Variants in ZNF708 observed in about 807,000 individuals in gnomAD.
ZNF708 encodes ZNF15, ZNF15L1.
ZNF708 carries 44 observed loss-of-function variants against 47.0 expected under a neutral mutation model. That is an observed-to-expected ratio of 0.94 (90% CI 0.74 to 1.20). ZNF708 has a LOEUF of 1.20. ZNF708 is among the 50% of genes most tolerant of loss of function. The pLI is 0.00. For synonymous variants in ZNF708, 184 were observed against 218.5 expected (o/e 0.84, Z 1.39); for missense variants, 557 against 656.0 (o/e 0.85, Z 1.65).
chr19:21,305,176 A>G (rs530785899), intron 3 of ZNF708, among the ~76,000 whole-genome samples: 1 of 151,406 alleles, frequency 6.6e-6, no homozygotes, highest in Non-Finnish European at 1.5e-5. Context: ...ACGCCCAGCT[A>G]ATTTTTGTAT....
At chr19:21,304,334 G>A (rs1972719018) in intron 3 of ZNF708, among the ~76,000 whole-genome samples, 1 of 151,592 alleles carries the variant, frequency 6.6e-6, no homozygotes, top group Non-Finnish European at 1.5e-5. Flanking sequence ...CAAAAGGATG[G>A]TGCCAAACCA....
intron 3 of ZNF708, among the ~76,000 whole-genome samples, chr19:21,297,262 ATATATATATTTTTTTTTTTT>A (rs1463642953): frequency 7.1e-5 from 1 of 14,142 alleles, no homozygotes; most frequent in African/African-American, 2.3e-4. Context: ...ATATATATAT[ATATATATATTTTTTTTTTTT>A]TTTTTTTTTT....
chr19:21,327,730 T>C (rs544382164), intron 1 of ZNF708, among the ~76,000 whole-genome samples: 21 of 152,192 alleles, frequency 1.4e-4, no homozygotes, highest in African/African-American at 5.1e-4. Context: ...TACTTTTTTT[T>C]TTCCACAAAA....
At chr19:21,294,821 A>C in intron 3 of ZNF708, 82 bp from the exon 4 acceptor site, 1 of 1,330,860 alleles carries the variant, frequency 7.5e-7, no homozygotes, top group Non-Finnish European at 1.0e-6. Flanking sequence ...CCAACTATAT[A>C]AACAAGATGA....
chr19:21,301,309 T>C (rs1194512772), intron 3 of ZNF708, among the ~76,000 whole-genome samples: 1 of 151,640 alleles, frequency 6.6e-6, no homozygotes, highest in African/African-American at 2.4e-5. Flanking sequence ...AATCCCGATC[T>C]CTACTAAAAA....
chr19:21,316,116 C>CT (rs1973000458), intron 1 of ZNF708, among the ~76,000 whole-genome samples: 1 of 128,794 alleles, frequency 7.8e-6, no homozygotes, highest in Non-Finnish European at 1.6e-5. Context: ...CTTTTCTTTT[C>CT]TTTTCTTTTC....
At chr19:21,324,207 G>A (rs1298699433) in intron 1 of ZNF708, among the ~76,000 whole-genome samples, 1 of 151,968 alleles carries the variant, frequency 6.6e-6, no homozygotes, top group African/African-American at 2.4e-5. Flanking sequence ...TCGCGCCACT[G>A]CACTCCAGCC....
chr19:21,317,204 C>T (rs547357931), intron 1 of ZNF708, among the ~76,000 whole-genome samples: 5 of 151,900 alleles, frequency 3.3e-5, no homozygotes, highest in Non-Finnish European at 7.4e-5. Context: ...CACTTGAACA[C>T]AGGAGACTGA....
chr19:21,310,688 G>T, intron 1 of ZNF708, 61 bp from the exon 2 acceptor site: 6 of 1,336,768 alleles, frequency 4.5e-6, no homozygotes, highest in South Asian at 2.0e-5. Flanking sequence ...TTTTTAATTT[G>T]ACTCAAGGTG....
At chr19:21,326,799 G>A (rs1305006219) in intron 1 of ZNF708, among the ~76,000 whole-genome samples, 1 of 152,062 alleles carries the variant, frequency 6.6e-6, no homozygotes, top group African/African-American at 2.4e-5. Flanking sequence ...GGGCATGGTG[G>A]CACGCCCACC....
chr19:21,328,052 C>G, intron 1 of ZNF708: 1 of 985,290 alleles, frequency 1.0e-6, no homozygotes, highest in Non-Finnish European at 1.2e-6. Flanking sequence ...TTGGTTTACT[C>G]CAGACAGTAC....
rs113710506 is a variant in ZNF708, at chr19:21,316,927, C to T, written c.4-6300G>A. Among the ~76,000 whole-genome samples, 991 of 152,074 alleles carry T rather than the reference C, an allele frequency of 6.5e-3. 19 individuals are homozygous for T. The highest frequency in any genetic ancestry group is 0.022 in the African/African-American group (913 of 41,530). On this transcript the variant is annotated intron_variant, in intron 1 of 3. Coordinates refer to ENST00000356929, the MANE Select transcript of ZNF708 (RefSeq NM_021269.3). ...TCAGCCTCCCCAGTAGCTGGCATTA[C>T]AGGCGTGTGCCACCACCCTCAGCTA...
intron 3 of ZNF708, chr19:21,307,005 T>TAA (rs1215348374): frequency 2.5e-5 from 3 of 119,898 alleles, no homozygotes; most frequent in African/African-American, 6.2e-5. Context: ...TAACATAACA[T>TAA]AACATAAAAC....
At chr19:21,328,012 A>G (rs751753574) in intron 1 of ZNF708, 103 of 994,244 alleles carry the variant, frequency 1.0e-4, no homozygotes, top group Non-Finnish European at 1.1e-4. Context: ...TTCACTAGAC[A>G]CTCTAGCAGA....
intron 3 of ZNF708, among the ~76,000 whole-genome samples, chr19:21,305,168 G>A (rs1174145947): frequency 2.0e-5 from 3 of 151,500 alleles, no homozygotes; most frequent in Non-Finnish European, 2.9e-5. Flanking sequence ...GTGCCACCAC[G>A]CCCAGCTAAT....
At chr19:21,306,901 G>A (rs929456332) in intron 3 of ZNF708, 1 of 151,236 alleles carries the variant, frequency 6.6e-6, no homozygotes, top group Admixed American at 6.6e-5. Flanking sequence ...CTGAGATCAG[G>A]CCACTGCACT....
chr19:21,311,399 G>A (rs950442165), intron 1 of ZNF708, among the ~76,000 whole-genome samples: 5 of 149,626 alleles, frequency 3.3e-5, no homozygotes, highest in Admixed American at 6.6e-5. Flanking sequence ...TTTTTTAACC[G>A]AAAGAATTAT....
At chr19:21,323,961 C>A (rs149737598) in intron 1 of ZNF708, among the ~76,000 whole-genome samples, 1 of 152,090 alleles carries the variant, frequency 6.6e-6, no homozygotes. Flanking sequence ...AGTGTTTAGC[C>A]GGGCGCAGTG....
At position 21,294,585 on chromosome 19, in the gene ZNF708, T is replaced by A. The variant is rs1972488353; in HGVS notation, c.381A>T (p.Gly127=). The A allele has an allele frequency of 6.2e-7, 1 of 1,614,152 alleles. No homozygotes were observed. Among genetic ancestry groups the A allele is most frequent in the Non-Finnish European group, 8.5e-7 (1 of 1,179,998 alleles). ...EHKLHKGGHK[G]LNRCVTTTQS... ...GGGTAGTTGTCACACACCGGTTAAG[T>A]CCCTTGTGACCTCCTTTGTGCAACT... The change falls in exon 4 of 4, where the codon GGA becomes GGT. Residue 127 remains glycine, a synonymous_variant. Coordinates refer to ENST00000356929, the MANE Select transcript of ZNF708 (RefSeq NM_021269.3).
Sources: allele counts gnomAD v4.1 joint callset (sites outside exome capture counted in the v4.1 genomes callset), GRCh38; gene constraint gnomAD v4.1.1; transcripts MANE v1.5; gene names NCBI Gene and HGNC (gene_info 2026-07-23, HGNC 2026-07-21).